PRKN: variants seen among roughly 807,000 people sequenced by gnomAD.
PRKN encodes the protein E3 ubiquitin-protein ligase parkin.
PRKN carries 56 observed loss-of-function variants against 59.5 expected under a neutral mutation model. The ratio of observed to expected loss-of-function variants is 0.94; its 90% CI spans 0.76 to 1.18. PRKN has a LOEUF of 1.18. PRKN is among the 50% of genes most tolerant of loss of function. PRKN has a pLI of 0.00. For synonymous variants in PRKN, 250 were observed against 222.1 expected (o/e 1.13, Z -1.12); for missense variants, 657 against 596.4 (o/e 1.10, Z -1.06).
rs1784981024 is a variant in PRKN, at chr6:161,361,677, T to C, written c.1168-1472A>G. On this transcript the variant is annotated intron_variant, in intron 10 of 11. Coordinates refer to ENST00000366898, the MANE Select transcript of PRKN (RefSeq NM_004562.3). This position sits in a 1 kb window ranked among gnomAD's most constrained non-coding sequence, Gnocchi z 5.2. ...TGGGTGAAGCCAATTTCGTTTCTGT[T>C]AATGAGCCATCATGGGCACAAAGGA... Among the ~76,000 whole-genome samples, 2 of 152,190 alleles carry C rather than the reference T, an allele frequency of 1.3e-5. No homozygotes were observed. The highest frequency in any genetic ancestry group is 4.8e-5 in the African/African-American group (2 of 41,440).
At chr6:162,085,481 G>A (rs766387956) in intron 4 of PRKN, among the ~76,000 whole-genome samples, 45 of 152,124 alleles carry the variant, frequency 3.0e-4, no homozygotes, top group African/African-American at 7.5e-4. Context: ...AATCAAACAC[G>A]AGTGAGATTC....
chr6:162,039,817 A>T (rs952023322), intron 5 of PRKN, among the ~76,000 whole-genome samples: 1 of 152,210 alleles, frequency 6.6e-6, no homozygotes. Flanking sequence ...AGACAGACAG[A>T]TGTATATATC....
At chr6:162,523,378 T>C (rs533166878) in intron 1 of PRKN, among the ~76,000 whole-genome samples, 5 of 152,230 alleles carry the variant, frequency 3.3e-5, no homozygotes, top group East Asian at 1.9e-4. Context: ...AAAAACTCCA[T>C]TGGGCTAGGT....
At chr6:162,047,544 GA>G (rs1192603624) in intron 5 of PRKN, among the ~76,000 whole-genome samples, 138 of 141,500 alleles carry the variant, frequency 9.8e-4, no homozygotes, top group African/African-American at 2.8e-3. Context: ...TTAGACACCA[GA>G]AAAAAAAAAA....
chr6:161,765,956 C>A (rs1056730597), intron 7 of PRKN, among the ~76,000 whole-genome samples: 1 of 152,200 alleles, frequency 6.6e-6, no homozygotes, highest in African/African-American at 2.4e-5. Context: ...GGCAAAGTGT[C>A]CCAAATACTT....
intron 4 of PRKN, among the ~76,000 whole-genome samples, chr6:162,098,497 C>T (rs139865210): frequency 1.2e-3 from 184 of 152,282 alleles, no homozygotes; most frequent in Non-Finnish European, 2.2e-3. Context: ...TATTTGGACA[C>T]TAAGCTGCTA....
intron 7 of PRKN, among the ~76,000 whole-genome samples, chr6:161,645,962 C>G (rs1349964681): frequency 4.4e-5 from 6 of 134,912 alleles, no homozygotes; most frequent in Admixed American, 7.4e-5. Flanking sequence ...GGTGGCGTAT[C>G]AGTGACAGTG....
intron 1 of PRKN, among the ~76,000 whole-genome samples, chr6:162,485,975 A>G (rs1163416968): frequency 2.0e-5 from 3 of 152,244 alleles, no homozygotes; most frequent in African/African-American, 7.2e-5. Context: ...ATTAAGTTGC[A>G]TTCACACAAA....
At chr6:162,375,712 C>T (rs992745346) in intron 2 of PRKN, among the ~76,000 whole-genome samples, 13 of 151,288 alleles carry the variant, frequency 8.6e-5, no homozygotes, top group African/African-American at 3.2e-4. Flanking sequence ...ACAAGAAAGA[C>T]TCTGCCAATC....
At position 161,552,085 on chromosome 6, in the gene PRKN, C is replaced by A. The variant is rs571268418; in HGVS notation, c.934-3082G>T. The stretch of plus-strand genomic sequence containing the variant: ...AGTCGGTATCACTGCTGGGCGGCAC[C>A]CAGGCCCTCCTGAGGTCAGAGATGA... On this transcript the variant is annotated intron_variant, in intron 8 of 11. Coordinates refer to ENST00000366898, the MANE Select transcript of PRKN (RefSeq NM_004562.3). The surrounding 1 kb of genome is among the most constrained non-coding windows in gnomAD (Gnocchi z 4.9). Among the ~76,000 whole-genome samples the A allele has an allele frequency of 1.4e-4, 22 of 152,210 alleles. No individual in the cohort carries two copies. Among genetic ancestry groups the A allele is most frequent in the Middle Eastern group, 3.4e-3 (1 of 292 alleles).
chr6:161,504,531 T>TTTTTTTTA (rs773251743), intron 9 of PRKN, among the ~76,000 whole-genome samples: 1 of 151,630 alleles, frequency 6.6e-6, no homozygotes, highest in Non-Finnish European at 1.5e-5. Flanking sequence ...AACTTTCTTT[T>TTTTTTTTA]TTATTATTAT....
intron 7 of PRKN, among the ~76,000 whole-genome samples, chr6:161,765,620 T>C (rs987036058): frequency 2.0e-5 from 3 of 152,098 alleles, no homozygotes; most frequent in Non-Finnish European, 4.4e-5. Context: ...ACCCAATTCT[T>C]GAAACAGTAC....
At chr6:161,966,704 T>C (rs71567627) in intron 6 of PRKN, among the ~76,000 whole-genome samples, 3 of 152,204 alleles carry the variant, frequency 2.0e-5, no homozygotes, top group Middle Eastern at 3.2e-3. Flanking sequence ...GTCACTACTG[T>C]TGGTAAGGAG....
intron 1 of PRKN, among the ~76,000 whole-genome samples, chr6:162,458,414 G>A (rs1049300283): frequency 1.4e-5 from 2 of 147,154 alleles, no homozygotes; most frequent in Admixed American, 6.8e-5. Context: ...TGATAAGAGC[G>A]AGACTCCATC....
intron 1 of PRKN, among the ~76,000 whole-genome samples, chr6:162,492,956 CAAA>C (rs34716532): frequency 4.1e-4 from 45 of 110,322 alleles, no homozygotes; most frequent in Admixed American, 6.0e-4. Flanking sequence ...TTGTCTCAAA[CAAA>C]AAAAAAAAAA....
Position 162,321,951 on chromosome 6 carries a change from T to C in PRKN, c.172-59186A>G, listed in dbSNP as rs190514397. Among the ~76,000 whole-genome samples the C allele has an allele frequency of 3.8e-3, 576 of 152,132 alleles. 8 individuals are homozygous for C. The highest frequency in any genetic ancestry group is 0.023 in the East Asian group (121 of 5,164). On this transcript the variant is annotated intron_variant, in intron 2 of 11. Transcript: ENST00000366898. ...CCCTCTGAGATTGAGGCCTTAATGT[T>C]AAGTCTTACAACTTCCACTCAACAT...
At chr6:162,609,146 G>A (rs1782038354) in intron 1 of PRKN, among the ~76,000 whole-genome samples, 1 of 152,216 alleles carries the variant, frequency 6.6e-6, no homozygotes, top group Non-Finnish European at 1.5e-5. Context: ...CCCCTTTCAT[G>A]TACAGAAGAT....
At chr6:162,554,831 C>T (rs924090700) in intron 1 of PRKN, among the ~76,000 whole-genome samples, 1 of 152,130 alleles carries the variant, frequency 6.6e-6, no homozygotes, top group Non-Finnish European at 1.5e-5. Context: ...TAAAATGAGA[C>T]TGAGAATTTA....
intron 1 of PRKN, among the ~76,000 whole-genome samples, chr6:162,713,785 C>T (rs987765316): frequency 6.6e-6 from 1 of 151,954 alleles, no homozygotes. Context: ...GATGAAATAA[C>T]CATTCAGAAG....
Sources: gnomAD v4.1 joint callset for allele counts (sites outside exome capture counted in the v4.1 genomes callset) on GRCh38, gnomAD v4.1.1 for gene constraint, Gnocchi (gnomAD v3.1) non-coding constraint, MANE v1.5 for transcripts, NCBI Gene and HGNC (gene_info 2026-07-23, HGNC 2026-07-21) for gene names.